THSD7B: variants seen among roughly 807,000 people sequenced by gnomAD.
THSD7B encodes thrombospondin type-1 domain-containing protein 7B.
A neutral mutation model predicts 213.6 loss-of-function variants in THSD7B; 138 were observed. The ratio of observed to expected loss-of-function variants is 0.65; its 90% CI spans 0.56 to 0.74. The LOEUF is 0.74. Among genes scored for constraint, THSD7B ranks in the 30% least tolerant of loss-of-function variants. THSD7B has a pLI of 0.00. For missense variants in THSD7B, 1,931 were observed against 1,991.5 expected, an observed-to-expected ratio of 0.97 and a Z score of 0.58; for synonymous variants, 742 against 687.0, an observed-to-expected ratio of 1.08 and a Z score of -1.25.
At chr2:137,183,718 C>T (rs568102708) in intron 7 of THSD7B, among the ~76,000 whole-genome samples, 34 of 151,906 alleles carry the variant, frequency 2.2e-4, no homozygotes, top group African/African-American at 8.2e-4. Context: ...TGGGATGGGC[C>T]GTAATTATAC....
At chr2:137,433,242 A>G (rs558274845) in intron 14 of THSD7B, among the ~76,000 whole-genome samples, 90 of 152,314 alleles carry the variant, frequency 5.9e-4, no homozygotes, top group African/African-American at 2.1e-3. Context: ...AATGTGATCT[A>G]AAAAGTGAAG....
At chr2:137,519,251 A>AAAATAAATAAATAAATAAATAAATAAAT (rs150919867) in intron 15 of THSD7B, among the ~76,000 whole-genome samples, 22 of 149,224 alleles carry the variant, frequency 1.5e-4, no homozygotes, top group African/African-American at 3.2e-4. Context: ...ACTCCATCTC[A>AAAATAAATAAATAAATAAATAAATAAAT]AAATAAATAA....
At chr2:137,151,652 G>A (rs915244534) in intron 5 of THSD7B, among the ~76,000 whole-genome samples, 2 of 150,230 alleles carry the variant, frequency 1.3e-5, no homozygotes, top group Non-Finnish European at 3.0e-5. Flanking sequence ...ACAATAAAAA[G>A]TATAGTATAG....
intron 12 of THSD7B, among the ~76,000 whole-genome samples, chr2:137,353,566 G>C (rs558961393): frequency 6.6e-6 from 1 of 152,190 alleles, no homozygotes; most frequent in East Asian, 1.9e-4. Flanking sequence ...AAAAGAATGA[G>C]AGATCATTCT....
intron 15 of THSD7B, among the ~76,000 whole-genome samples, chr2:137,463,640 G>A (rs761571051): frequency 6.6e-6 from 1 of 151,992 alleles, no homozygotes; most frequent in Non-Finnish European, 1.5e-5. Context: ...AAAGTCTCCA[G>A]TGTGGACAAA....
chr2:137,172,981 T>A (rs1055134233), intron 7 of THSD7B, among the ~76,000 whole-genome samples: 15 of 152,164 alleles, frequency 9.9e-5, no homozygotes, highest in African/African-American at 3.4e-4. Context: ...CAGTTTCAAC[T>A]CTGCTACTCA....
intron 16 of THSD7B, among the ~76,000 whole-genome samples, chr2:137,570,663 T>G (rs1486820416): frequency 6.6e-6 from 1 of 152,216 alleles, no homozygotes; most frequent in African/African-American, 2.4e-5. Flanking sequence ...TTTCTTAACC[T>G]TGACATTGTA....
intron 7 of THSD7B, among the ~76,000 whole-genome samples, chr2:137,213,634 A>G (rs1467938003): frequency 1.3e-5 from 2 of 151,892 alleles, no homozygotes; most frequent in Non-Finnish European, 2.9e-5. Flanking sequence ...GTGGCAAGGC[A>G]GAGAATTGAT....
intron 12 of THSD7B, among the ~76,000 whole-genome samples, chr2:137,338,796 G>T (rs987687826): frequency 2.6e-5 from 4 of 152,080 alleles, no homozygotes; most frequent in Non-Finnish European, 5.9e-5. Context: ...CAAAGCCTCT[G>T]TGTGTACCAC....
intron 16 of THSD7B, among the ~76,000 whole-genome samples, chr2:137,570,500 G>C (rs1681332976): frequency 6.6e-6 from 1 of 151,966 alleles, no homozygotes; most frequent in Non-Finnish European, 1.5e-5. Flanking sequence ...AGTAGAGACA[G>C]GGTTTCACCA....
intron 2 of THSD7B, among the ~76,000 whole-genome samples, chr2:137,050,430 TG>T (rs1687047349): frequency 6.6e-6 from 1 of 152,248 alleles, no homozygotes; most frequent in African/African-American, 2.4e-5. Context: ...AGAGGCATTT[TG>T]CTTTTCAGTC....
intron 14 of THSD7B, 32 bp from the exon 15 acceptor site, chr2:137,450,813 A>G (rs1558800920): frequency 1.3e-6 from 2 of 1,510,742 alleles, no homozygotes; most frequent in Non-Finnish European, 1.8e-6. Flanking sequence ...CATTTTAATC[A>G]GACTTTCTTC....
At position 137,330,217 on chromosome 2, in the gene THSD7B, A is replaced by G. The variant is rs367959630; in HGVS notation, c.2500+54191A>G. Among the ~76,000 whole-genome samples the G allele has an allele frequency of 2.0e-5, 3 of 152,258 alleles. No individual in the cohort carries two copies. In the East Asian group the frequency reaches 5.8e-4, roughly 29 times the overall value. On this transcript the variant is annotated intron_variant, in intron 12 of 27. Coordinates refer to ENST00000409968, the MANE Select transcript of THSD7B (RefSeq NM_001316349.2). ...AGGCCTCGTAAAGAAACTTGGCTAGAGCAGTTTGGAAGGGAAACATGGGGT... is the reference window on the plus strand; with the variant it reads ...AGGCCTCGTAAAGAAACTTGGCTAGGGCAGTTTGGAAGGGAAACATGGGGT...
At chr2:137,530,212 A>G (rs1680370827) in intron 15 of THSD7B, among the ~76,000 whole-genome samples, 1 of 152,036 alleles carries the variant, frequency 6.6e-6, no homozygotes. Context: ...GGGATCCAAC[A>G]TGAGTAAATC....
intron 20 of THSD7B, among the ~76,000 whole-genome samples, chr2:137,631,463 A>G (rs1156970752): frequency 6.6e-6 from 1 of 152,178 alleles, no homozygotes; most frequent in Non-Finnish European, 1.5e-5. Flanking sequence ...TTTATATCAT[A>G]TGACCCAGCC....
At chr2:137,217,741 C>T (rs1454800371) in intron 7 of THSD7B, among the ~76,000 whole-genome samples, 1 of 152,180 alleles carries the variant, frequency 6.6e-6, no homozygotes, top group Admixed American at 6.5e-5. Context: ...ATGCTCATTT[C>T]AGTTCAATTA....
intron 12 of THSD7B, among the ~76,000 whole-genome samples, chr2:137,369,524 T>C (rs1021395402): frequency 5.9e-5 from 9 of 152,272 alleles, no homozygotes; most frequent in Admixed American, 4.6e-4. Context: ...GGAAATTAAA[T>C]CCAAGATTAT....
intron 2 of THSD7B, among the ~76,000 whole-genome samples, chr2:136,961,852 A>G (rs1685225353): frequency 6.6e-6 from 1 of 152,210 alleles, no homozygotes; most frequent in Non-Finnish European, 1.5e-5. Context: ...TTAAGAATAT[A>G]AAATGATTTC....
chr2:137,235,069 A>G (rs1300476908), intron 9 of THSD7B, among the ~76,000 whole-genome samples: 2 of 152,178 alleles, frequency 1.3e-5, no homozygotes, highest in African/African-American at 4.8e-5. Flanking sequence ...AACATTTAGT[A>G]TCACCTGCTT....
Sources: gnomAD v4.1 joint callset for allele counts (sites outside exome capture counted in the v4.1 genomes callset) on GRCh38, gnomAD v4.1.1 for gene constraint, MANE v1.5 for transcripts, NCBI Gene and HGNC (gene_info 2026-07-23, HGNC 2026-07-21) for gene names.